Variants in TECRL observed in about 807,000 individuals in gnomAD.
TECRL encodes trans-2,3-enoyl-CoA reductase like.
In TECRL, 63 loss-of-function variants were observed where a neutral mutation model predicts 52.8. The ratio of observed to expected loss-of-function variants is 1.19; its 90% CI spans 0.97 to 1.47. The LOEUF is 1.47. Ranked by LOEUF, TECRL falls within the 40% of genes most tolerant of loss-of-function variation. The probability of loss-of-function intolerance (pLI) is 0.00; values close to 1 mark genes in which losing one functional copy is unlikely to be tolerated. For synonymous variants in TECRL, 164 were observed against 141.9 expected, an observed-to-expected ratio of 1.16 and a Z score of -1.10; for missense variants, 482 against 429.6, an observed-to-expected ratio of 1.12 and a Z score of -1.08.
At chr4:64,399,454 T>G (rs1724192451) in intron 1 of TECRL, among the ~76,000 whole-genome samples, 1 of 152,174 alleles carries the variant, frequency 6.6e-6, no homozygotes, top group African/African-American at 2.4e-5. Flanking sequence ...TAGAGAAATT[T>G]GTGTAACTAA....
chr4:64,311,368 C>T (rs968850186), intron 5 of TECRL, among the ~76,000 whole-genome samples: 1 of 152,110 alleles, frequency 6.6e-6, no homozygotes, highest in Non-Finnish European at 1.5e-5. Context: ...GGGGGAAGAG[C>T]TCTCTAGAAA....
At chr4:64,379,255 C>T (rs1402577746) in intron 1 of TECRL, among the ~76,000 whole-genome samples, 2 of 124,614 alleles carry the variant, frequency 1.6e-5, no homozygotes, top group East Asian at 2.1e-4. Flanking sequence ...CATACACACA[C>T]ACACACACAC....
At chr4:64,391,057 A>G (rs1187741081) in intron 1 of TECRL, among the ~76,000 whole-genome samples, 1 of 151,836 alleles carries the variant, frequency 6.6e-6, no homozygotes, top group Non-Finnish European at 1.5e-5. Flanking sequence ...TGATTGCATT[A>G]CTTTTTAAAT....
At chr4:64,339,223 A>T (rs1312887303) in intron 2 of TECRL, among the ~76,000 whole-genome samples, 1 of 146,168 alleles carries the variant, frequency 6.8e-6, no homozygotes. Flanking sequence ...CATAGGTGGG[A>T]ATTGAACAAT....
At chr4:64,281,230 T>C (rs1722811635) in intron 10 of TECRL, 144 bp from the exon 11 acceptor site, 5 of 586,006 alleles carry the variant, frequency 8.5e-6, no homozygotes. Flanking sequence ...ATAATTTAAT[T>C]TTTACATATA....
chr4:64,320,410 G>A (rs750310293), intron 4 of TECRL, among the ~76,000 whole-genome samples: 2 of 151,922 alleles, frequency 1.3e-5, no homozygotes, highest in African/African-American at 2.4e-5. Flanking sequence ...TGAAATGGGT[G>A]TAATTGCAAT....
At chr4:64,300,541 G>T (rs930104943) in intron 7 of TECRL, among the ~76,000 whole-genome samples, 1 of 150,704 alleles carries the variant, frequency 6.6e-6, no homozygotes, top group African/African-American at 2.4e-5. Flanking sequence ...CAGATAAAGA[G>T]TAATGTAGAA....
At chr4:64,376,472 T>C (rs536863006) in intron 1 of TECRL, among the ~76,000 whole-genome samples, 17 of 152,064 alleles carry the variant, frequency 1.1e-4, no homozygotes, top group African/African-American at 4.1e-4. Flanking sequence ...GAGTAATATA[T>C]ATTTATATAC....
At chr4:64,289,238 G>A (rs1723244152) in intron 9 of TECRL, among the ~76,000 whole-genome samples, 1 of 152,046 alleles carries the variant, frequency 6.6e-6, no homozygotes, top group African/African-American at 2.4e-5. Context: ...TACTAACTTT[G>A]AAATGTTCTC....
At chr4:64,376,559 C>T (rs1158501036) in intron 1 of TECRL, among the ~76,000 whole-genome samples, 4 of 151,534 alleles carry the variant, frequency 2.6e-5, no homozygotes, top group African/African-American at 9.7e-5. Context: ...TTAACAGTGT[C>T]CGTTGTTTTA....
intron 3 of TECRL, among the ~76,000 whole-genome samples, chr4:64,323,314 T>C (rs962453177): frequency 6.6e-6 from 1 of 151,966 alleles, no homozygotes; most frequent in Non-Finnish European, 1.5e-5. Context: ...GGAGGATTGC[T>C]TGAGCCAGGG....
intron 2 of TECRL, among the ~76,000 whole-genome samples, chr4:64,332,505 G>C (rs1718713995): frequency 6.6e-6 from 1 of 152,044 alleles, no homozygotes. Flanking sequence ...CAATAAAATA[G>C]AACGAAGAAT....
intron 1 of TECRL, among the ~76,000 whole-genome samples, chr4:64,404,346 A>G (rs1005895661): frequency 6.6e-6 from 1 of 151,956 alleles, no homozygotes. Flanking sequence ...AGGCTCTTAG[A>G]GTTCTTGCAT....
chr4:64,400,266 G>T lies in TECRL; in HGVS notation c.234+8852C>A, dbSNP rs528346638. On this transcript the variant is annotated intron_variant, in intron 1 of 11. Transcript: ENST00000381210. The stretch of plus-strand genomic sequence containing the variant: ...CCCTGTAGCCACTTTCTTTTAGTGG[G>T]TTTCTCCTTTTTGGAATGGGAGTGT... Among the ~76,000 whole-genome samples the T allele has an allele frequency of 2.6e-4, 40 of 152,228 alleles. 1 individual carries two copies. The South Asian group carries it at 7.7e-3, about 29-fold the overall frequency.
intron 9 of TECRL, among the ~76,000 whole-genome samples, chr4:64,289,254 C>A (rs1365696777): frequency 6.6e-6 from 1 of 152,194 alleles, no homozygotes; most frequent in African/African-American, 2.4e-5. Flanking sequence ...TTCTCCCAGG[C>A]ATTGATATTT....
chr4:64,300,346 A>C (rs1723945087), intron 7 of TECRL, among the ~76,000 whole-genome samples: 1 of 150,878 alleles, frequency 6.6e-6, no homozygotes, highest in South Asian at 2.1e-4. Context: ...GGCACCACAA[A>C]ATAACTCTCA....
At position 64,281,112 on chromosome 4, in the gene TECRL, A is replaced by G. The variant is rs774442143; in HGVS notation, c.919-26T>C. On this transcript the variant is annotated intron_variant, in intron 10 of 11. Transcript: ENST00000381210. ...CTGTTATATTAAAACTTAAATTAGC[A>G]CATACATAAATGGAATCTAGTAATT... The G allele has an allele frequency of 5.1e-6, 8 of 1,569,504 alleles. No individual in the cohort carries two copies. The Admixed American group carries it at 1.0e-4, about 20-fold the overall frequency.
At chr4:64,291,114 G>T (rs999777815) in intron 8 of TECRL, among the ~76,000 whole-genome samples, 1 of 152,010 alleles carries the variant, frequency 6.6e-6, no homozygotes, top group African/African-American at 2.4e-5. Flanking sequence ...ATGTATGAGA[G>T]ATTTAGTGAA....
intron 1 of TECRL, among the ~76,000 whole-genome samples, chr4:64,387,764 A>G (rs576896817): frequency 2.0e-5 from 3 of 152,004 alleles, no homozygotes; most frequent in Admixed American, 2.0e-4. Flanking sequence ...ATTTTTCTGT[A>G]TCTATTGATA....
Sources: gnomAD v4.1 joint callset for allele counts (sites outside exome capture counted in the v4.1 genomes callset) on GRCh38, gnomAD v4.1.1 for gene constraint, MANE v1.5 for transcripts, NCBI Gene and HGNC (gene_info 2026-07-23, HGNC 2026-07-21) for gene names.